CATSPERB: variants seen among roughly 807,000 people sequenced by gnomAD.
CATSPERB encodes cation channel sperm-associated auxiliary subunit beta.
Under a neutral mutation model 128.3 loss-of-function variants are expected in CATSPERB, and 93 were observed. The observed-to-expected ratio is 0.72, with a 90% CI of 0.61 to 0.86. CATSPERB has a LOEUF of 0.86. CATSPERB is among the 40% of genes least tolerant of loss of function. The pLI, the probability that CATSPERB is intolerant of heterozygous loss-of-function variation, is 0.00. For synonymous variants in CATSPERB, 381 were observed against 448.8 expected, an observed-to-expected ratio of 0.85 and a Z score of 1.91; for missense variants, 1,153 against 1,329.5, an observed-to-expected ratio of 0.87 and a Z score of 2.06.
intron 7 of CATSPERB, among the ~76,000 whole-genome samples, chr14:91,695,304 T>G (rs1228697746): frequency 6.6e-6 from 1 of 152,074 alleles, no homozygotes; most frequent in Non-Finnish European, 1.5e-5. Context: ...TAAATTTTAG[T>G]ATTTTTGGTA....
At position 91,725,152 on chromosome 14, in the gene CATSPERB, G is replaced by A. The variant is rs781540290; in HGVS notation, c.96C>T (p.Arg32=). The A allele has an allele frequency of 3.2e-6, 5 of 1,556,196 alleles. No individual in the cohort carries two copies. The Admixed American group carries it at 9.3e-5, about 29-fold the overall frequency. Residue 32 remains arginine (R), a synonymous_variant, in exon 3 of 27, where the codon CGC becomes CGT. Coordinates refer to ENST00000256343, the MANE Select transcript of CATSPERB (RefSeq NM_024764.4). The part of the protein sequence containing the change: ...IVYNKDDTEK[R]FACSNKGFPQ... ...GGAACCCTTTGTTAGAACATGCAAA[G>A]CGTTTCTCTGTATCATCTAAATAAT...
chr14:91,730,358 C>T (rs764827179), intron 1 of CATSPERB, among the ~76,000 whole-genome samples: 1 of 152,274 alleles, frequency 6.6e-6, no homozygotes, highest in Non-Finnish European at 1.5e-5. Context: ...TCAGGAGAGA[C>T]GCATGAACAG....
At chr14:91,639,881 TTAGCTCAGGCTCTCC>T (rs972894744) in intron 15 of CATSPERB, among the ~76,000 whole-genome samples, 1 of 144,024 alleles carries the variant, frequency 6.9e-6, no homozygotes, top group African/African-American at 2.6e-5. Flanking sequence ...ACCCACCCAG[TTAGCTCAGGCTCTCC>T]TAGCTCATTC....
chr14:91,684,008 T>G, intron 10 of CATSPERB, 65 bp from the exon 11 acceptor site: 2 of 1,146,046 alleles, frequency 1.7e-6, no homozygotes, highest in South Asian at 3.1e-5. Context: ...AGATATAAGA[T>G]AGAAAAAACT....
chr14:91,716,764 C>T (rs1232619481), intron 5 of CATSPERB, among the ~76,000 whole-genome samples: 1 of 151,582 alleles, frequency 6.6e-6, no homozygotes, highest in East Asian at 1.9e-4. Flanking sequence ...CACACACATA[C>T]ACTAAGTTCT....
intron 10 of CATSPERB, among the ~76,000 whole-genome samples, chr14:91,684,836 C>T (rs541702055): frequency 5.9e-5 from 9 of 151,952 alleles, no homozygotes; most frequent in South Asian, 4.2e-4. Context: ...AGGCTGGTCT[C>T]GAACTCCTGA....
intron 11 of CATSPERB, among the ~76,000 whole-genome samples, chr14:91,681,446 A>G (rs919778198): frequency 1.1e-4 from 17 of 152,214 alleles, no homozygotes; most frequent in Non-Finnish European, 2.2e-4. Context: ...CAAGAAAGTA[A>G]TTTGACTTGG....
At chr14:91,641,521 G>A (rs1322798157) in intron 15 of CATSPERB, among the ~76,000 whole-genome samples, 17 of 151,906 alleles carry the variant, frequency 1.1e-4, no homozygotes, top group African/African-American at 3.9e-4. Flanking sequence ...ATAGTTGTGG[G>A]TATGTGGCAT....
intron 7 of CATSPERB, among the ~76,000 whole-genome samples, chr14:91,701,927 AT>A (rs1895658735): frequency 7.2e-6 from 1 of 138,164 alleles, no homozygotes. Flanking sequence ...AAAAAAAAAA[AT>A]TGCTGATTTA....
intron 14 of CATSPERB, among the ~76,000 whole-genome samples, chr14:91,666,320 T>A (rs1327710304): frequency 2.0e-5 from 3 of 152,036 alleles, no homozygotes; most frequent in African/African-American, 4.8e-5. Context: ...CAACTATGGA[T>A]CCCTGGATAG....
At chr14:91,694,438 CAAAAAAA>C (rs547649333) in intron 7 of CATSPERB, among the ~76,000 whole-genome samples, 746 of 65,758 alleles carry the variant, frequency 0.011, 7 homozygotes, top group African/African-American at 0.038. Flanking sequence ...GACCCTATCT[CAAAAAAA>C]AAAAAAAAAA....
chr14:91,671,543 A>T lies in CATSPERB; in HGVS notation c.1128+1324T>A, dbSNP rs138316736. On this transcript the variant is annotated intron_variant, in intron 13 of 26. Transcript: ENST00000256343. ...TGCGCCGAGGTTGCAGTGAGCCAAGATTGCACCATTGCACTCCAGCCTGGG... is the reference window on the plus strand; with the variant it reads ...TGCGCCGAGGTTGCAGTGAGCCAAGTTTGCACCATTGCACTCCAGCCTGGG... 6.3e-3 allele frequency among the ~76,000 whole-genome samples: 965 copies of T among 152,024 alleles called. 13 individuals are homozygous for T. The highest frequency in any genetic ancestry group is 0.021 in the African/African-American group (867 of 41,438).
At chr14:91,691,603 C>A in intron 9 of CATSPERB, 48 bp from the exon 10 acceptor site, 3 of 1,417,246 alleles carry the variant, frequency 2.1e-6, no homozygotes, top group Non-Finnish European at 2.9e-6. Flanking sequence ...ATCAGAAGGC[C>A]TAACAAAACA....
Position 91,610,689 on chromosome 14 carries a change from C to CTTCATTTATTTGGTT in CATSPERB, c.2401-13_2401-12insAACCAAATAAATGAA. 6.2e-7 allele frequency: 1 copy of CTTCATTTATTTGGTT among 1,612,360 alleles called. No individual in the cohort carries two copies. The highest frequency in any genetic ancestry group is 8.5e-7 in the Non-Finnish European group (1 of 1,178,932). ...AGTGAAGTTGAACCCTGGAAATAAC[C>CTTCATTTATTTGGTT]AAATAAATGAAGGTTATTTAAAGTA... On this transcript the variant is annotated splice_polypyrimidine_tract_variant and intron_variant, in intron 20 of 26. Coordinates refer to ENST00000256343, the MANE Select transcript of CATSPERB (RefSeq NM_024764.4).
At chr14:91,587,477 CTTTTTT>C (rs3029803) in intron 25 of CATSPERB, among the ~76,000 whole-genome samples, 57,046 of 100,766 alleles carry the variant, frequency 0.57, 16,527 homozygotes, top group East Asian at 0.9. Context: ...ATAGCTGATA[CTTTTTT>C]TTTTTTTTTT....
At chr14:91,586,570 A>AG (rs371430617) in intron 26 of CATSPERB, among the ~76,000 whole-genome samples, 52,955 of 123,294 alleles carry the variant, frequency 0.43, 11,917 homozygotes, top group East Asian at 0.84. Context: ...AGAGAGAGAG[A>AG]AAGAGAGAGA....
chr14:91,639,911 C>T (rs1894460832), intron 15 of CATSPERB, among the ~76,000 whole-genome samples: 1 of 146,148 alleles, frequency 6.8e-6, no homozygotes, highest in South Asian at 2.3e-4. Context: ...TCATTCTACA[C>T]ATTGGAGTGT....
intron 11 of CATSPERB, among the ~76,000 whole-genome samples, chr14:91,682,160 T>A (rs1264016454): frequency 1.3e-5 from 2 of 152,092 alleles, no homozygotes; most frequent in African/African-American, 2.4e-5. Context: ...GTACTTGGAG[T>A]CATTTCTATA....
At chr14:91,706,178 A>G (rs561846139) in intron 6 of CATSPERB, among the ~76,000 whole-genome samples, 12 of 152,334 alleles carry the variant, frequency 7.9e-5, no homozygotes, top group Admixed American at 2.6e-4. Flanking sequence ...AAAGCAAGAA[A>G]ACAAGCTAAC....
Sources: allele counts gnomAD v4.1 joint callset (sites outside exome capture counted in the v4.1 genomes callset), GRCh38; gene constraint gnomAD v4.1.1; transcripts MANE v1.5; gene names NCBI Gene and HGNC (gene_info 2026-07-23, HGNC 2026-07-21).